Variants in TMEM131L observed in about 807,000 individuals in gnomAD.
TMEM131L encodes the protein transmembrane 131 like, also known as transmembrane protein 131-like.
TMEM131L carries 54 observed loss-of-function variants against 192.2 expected under a neutral mutation model. That is an observed-to-expected ratio of 0.28 (90% CI 0.23 to 0.35). The LOEUF (loss-of-function observed/expected upper bound fraction) is 0.35. TMEM131L is among the 10% of genes least tolerant of loss of function. The probability of loss-of-function intolerance (pLI) is 1.00; values close to 1 mark genes in which losing one functional copy is unlikely to be tolerated. For synonymous variants in TMEM131L, 701 were observed against 704.9 expected (o/e 0.99, Z 0.09); for missense variants, 1,888 against 1,972.9 (o/e 0.96, Z 0.82).
intron 3 of TMEM131L, among the ~76,000 whole-genome samples, chr4:153,519,595 A>G (rs1420748093): frequency 6.6e-6 from 1 of 152,226 alleles, no homozygotes; most frequent in Non-Finnish European, 1.5e-5. Flanking sequence ...TTAAACTTTA[A>G]TAATTGGGTT....
intron 3 of TMEM131L, among the ~76,000 whole-genome samples, chr4:153,539,728 T>G (rs1736627112): frequency 6.6e-6 from 1 of 152,044 alleles, no homozygotes; most frequent in African/African-American, 2.4e-5. Context: ...AATTTTTCAT[T>G]AGATTTTTCT....
At chr4:153,619,591 T>C (rs7674639) in intron 26 of TMEM131L, among the ~76,000 whole-genome samples, 106,260 of 152,228 alleles carry the variant, frequency 0.7, 38,700 homozygotes, top group African/African-American at 0.92. Context: ...AATCCCATTT[T>C]GCTTCTAGTT....
intron 7 of TMEM131L, among the ~76,000 whole-genome samples, chr4:153,573,258 T>C (rs191703554): frequency 6.6e-5 from 10 of 152,376 alleles, no homozygotes; most frequent in African/African-American, 2.4e-4. Flanking sequence ...TATAGCCTAA[T>C]TCTCGCCACA....
intron 3 of TMEM131L, among the ~76,000 whole-genome samples, chr4:153,492,035 C>T (rs1732825672): frequency 6.6e-6 from 1 of 152,010 alleles, no homozygotes; most frequent in Admixed American, 6.6e-5. Context: ...GGGCCTTGCT[C>T]CATCACCCGA....
intron 7 of TMEM131L, among the ~76,000 whole-genome samples, chr4:153,576,809 C>T (rs1252621839): frequency 6.6e-6 from 1 of 151,592 alleles, no homozygotes. Flanking sequence ...TTGTAGGCAC[C>T]GTTTACTATT....
At chr4:153,475,186 C>T (rs561924576) in intron 3 of TMEM131L, among the ~76,000 whole-genome samples, 1 of 152,218 alleles carries the variant, frequency 6.6e-6, no homozygotes, top group African/African-American at 2.4e-5. Context: ...AAGTGATCCA[C>T]TCTGATTGGA....
At chr4:153,547,177 G>A (rs1737245462) in intron 3 of TMEM131L, among the ~76,000 whole-genome samples, 1 of 152,028 alleles carries the variant, frequency 6.6e-6, no homozygotes, top group Non-Finnish European at 1.5e-5. Context: ...TTCTCTATTT[G>A]GGATCAAAAT....
At chr4:153,521,769 A>G (rs1735130279) in intron 3 of TMEM131L, among the ~76,000 whole-genome samples, 1 of 151,812 alleles carries the variant, frequency 6.6e-6, no homozygotes, top group South Asian at 2.1e-4. Flanking sequence ...CATAGGAGGG[A>G]GAATCATACG....
At position 153,604,935 on chromosome 4, in the gene TMEM131L, C is replaced by T. The variant is rs182824799; in HGVS notation, c.3418+505C>T. Among the ~76,000 whole-genome samples, 4 of 152,276 alleles carry T rather than the reference C, an allele frequency of 2.6e-5. No homozygotes were observed. The East Asian group carries it at 7.7e-4, about 29-fold the overall frequency. On this transcript the variant is annotated intron_variant, in intron 25 of 34. Coordinates refer to ENST00000409959, the MANE Select transcript of TMEM131L (RefSeq NM_001131007.2). ...GGCCAGGCTGGGCTCAGACTCCGAC[C>T]TCAAGTGATCCACCCCTTTGGCCTC...
intron 24 of TMEM131L, 130 bp from the exon 25 acceptor site, chr4:153,603,672 C>A: frequency 1.8e-6 from 2 of 1,128,540 alleles, no homozygotes; most frequent in Middle Eastern, 2.5e-4. Flanking sequence ...ACTCTTGGAG[C>A]TTTGGAAGAA....
At chr4:153,622,029 T>A (rs1014674822) in intron 28 of TMEM131L, among the ~76,000 whole-genome samples, 180 bp downstream of exon 28, 5 of 152,062 alleles carry the variant, frequency 3.3e-5, no homozygotes, top group Admixed American at 1.3e-4. Flanking sequence ...TTTGGTTGAG[T>A]CTCAGTAGGC....
At chr4:153,586,075 A>G (rs1730679651) in intron 13 of TMEM131L, 134 bp from the exon 14 acceptor site, 1 of 597,624 alleles carries the variant, frequency 1.7e-6, no homozygotes, top group African/African-American at 1.9e-5. Flanking sequence ...AAATATTCCA[A>G]CTTTTGATCT....
intron 4 of TMEM131L, among the ~76,000 whole-genome samples, chr4:153,551,111 G>A (rs1737586509): frequency 6.6e-6 from 1 of 152,198 alleles, no homozygotes; most frequent in African/African-American, 2.4e-5. Flanking sequence ...CTTCTAATTA[G>A]TAGTTTCAAG....
At chr4:153,619,473 A>G (rs1211049568) in intron 26 of TMEM131L, among the ~76,000 whole-genome samples, 1 of 152,224 alleles carries the variant, frequency 6.6e-6, no homozygotes, top group African/African-American at 2.4e-5. Context: ...TCAGGTTTTT[A>G]AAATACCTTC....
intron 3 of TMEM131L, among the ~76,000 whole-genome samples, chr4:153,519,762 C>T (rs1194794961): frequency 2.6e-5 from 4 of 152,192 alleles, no homozygotes; most frequent in Non-Finnish European, 5.9e-5. Flanking sequence ...ATTCACTCTG[C>T]ATTTCTAGGA....
intron 3 of TMEM131L, among the ~76,000 whole-genome samples, chr4:153,481,163 A>C (rs1731913182): frequency 6.6e-6 from 1 of 151,702 alleles, no homozygotes; most frequent in African/African-American, 2.4e-5. Flanking sequence ...TTGCCAAAAC[A>C]CTTTTCTCTT....
chr4:153,488,271 A>G (rs1707183947), intron 3 of TMEM131L, among the ~76,000 whole-genome samples: 1 of 152,166 alleles, frequency 6.6e-6, no homozygotes, highest in African/African-American at 2.4e-5. Context: ...GAAGGATATT[A>G]CTTAAGGCAA....
chr4:153,567,890 A>G (rs2150578105), intron 7 of TMEM131L, among the ~76,000 whole-genome samples: 1 of 152,254 alleles, frequency 6.6e-6, no homozygotes, highest in South Asian at 2.1e-4. Context: ...CAAACTTTGA[A>G]CTGGGGGCTC....
intron 7 of TMEM131L, among the ~76,000 whole-genome samples, chr4:153,566,204 C>T (rs1172537146): frequency 4.6e-5 from 7 of 151,442 alleles, no homozygotes; most frequent in East Asian, 3.9e-4. Context: ...GGCGCAATCT[C>T]GGCTCACTGC....
Sources: allele counts gnomAD v4.1 joint callset (sites outside exome capture counted in the v4.1 genomes callset), GRCh38; gene constraint gnomAD v4.1.1; transcripts MANE v1.5; gene names NCBI Gene and HGNC (gene_info 2026-07-23, HGNC 2026-07-21).